Variants in CAST observed in about 807,000 individuals in gnomAD.
CAST encodes the protein MIR583 host.
A neutral mutation model predicts 119.6 loss-of-function variants in CAST; 76 were observed. The ratio of observed to expected loss-of-function variants is 0.64; its 90% CI spans 0.53 to 0.77. The LOEUF is 0.77. Ranked by LOEUF, CAST falls within the 30% of genes least tolerant of loss-of-function variation. The probability of loss-of-function intolerance (pLI) is 0.00; values close to 1 mark genes in which losing one functional copy is unlikely to be tolerated. For synonymous variants in CAST, 319 were observed against 331.6 expected, an observed-to-expected ratio of 0.96 and a Z score of 0.41; for missense variants, 953 against 946.5, an observed-to-expected ratio of 1.01 and a Z score of -0.09.
upstream of CAST, among the ~76,000 whole-genome samples, chr5:96,660,061 C>G (rs989158350): frequency 6.6e-6 from 1 of 152,170 alleles, no homozygotes; most frequent in Admixed American, 6.5e-5. Context: ...GATTTTGATA[C>G]CTAATATATC....
the CAST span, among the ~76,000 whole-genome samples, chr5:96,048,285 A>C: frequency 1.3e-5 from 2 of 152,150 alleles, no homozygotes; most frequent in Admixed American, 1.3e-4. Flanking sequence ...GGCCAGAGTA[A>C]ATTCTCTGGA....
chr5:96,539,584 T>G (rs1240552224), intron 1 of CAST, among the ~76,000 whole-genome samples: 1 of 152,192 alleles, frequency 6.6e-6, no homozygotes, highest in African/African-American at 2.4e-5. Flanking sequence ...TGTCATGTCA[T>G]GTATCCATCA....
At chr5:96,137,139 A>G in the CAST span, among the ~76,000 whole-genome samples, 1 of 152,204 alleles carries the variant, frequency 6.6e-6, no homozygotes, top group Non-Finnish European at 1.5e-5. Flanking sequence ...TCAGTAATAC[A>G]GAGGATAGTT....
chr5:96,430,373 T>C, the CAST span, among the ~76,000 whole-genome samples: 3 of 152,220 alleles, frequency 2.0e-5, no homozygotes, highest in African/African-American at 4.8e-5. Flanking sequence ...GTTCTTTAAA[T>C]TGGTGATTCT....
At chr5:96,118,574 C>T in the CAST span, among the ~76,000 whole-genome samples, 2 of 151,744 alleles carry the variant, frequency 1.3e-5, no homozygotes, top group Non-Finnish European at 2.9e-5. Context: ...TACTGACTAA[C>T]CAATTCTCTG....
intron 6 of CAST, 189 bp from the exon 7 acceptor site, chr5:96,728,964 A>G (rs1759892311): frequency 1.9e-6 from 1 of 535,876 alleles, no homozygotes; most frequent in Non-Finnish European, 3.4e-6. Context: ...GAGACTGCTG[A>G]CAGGGTTACT....
chr5:96,358,969 C>A, the CAST span, among the ~76,000 whole-genome samples: 5 of 152,096 alleles, frequency 3.3e-5, no homozygotes, highest in Non-Finnish European at 4.4e-5. Context: ...GTGTGGGAGC[C>A]TAAGTCTCTT....
the CAST span, among the ~76,000 whole-genome samples, chr5:96,470,781 A>G: frequency 6.6e-6 from 1 of 152,078 alleles, no homozygotes; most frequent in South Asian, 2.1e-4. Flanking sequence ...GTTGTGAACT[A>G]TATTAGTAGT....
chr5:96,664,628 G>A (rs991342047), intron 1 of CAST, among the ~76,000 whole-genome samples: 3 of 152,138 alleles, frequency 2.0e-5, no homozygotes, highest in African/African-American at 7.2e-5. Flanking sequence ...ATGGAAATAA[G>A]TCAACCTTTT....
chr5:96,156,555 AAAAG>A, the CAST span, among the ~76,000 whole-genome samples: 1 of 152,242 alleles, frequency 6.6e-6, no homozygotes, highest in African/African-American at 2.4e-5. Flanking sequence ...ACTTCTGAGA[AAAAG>A]AAAGTTGTAT....
the CAST span, among the ~76,000 whole-genome samples, chr5:96,447,119 T>G: frequency 6.6e-6 from 1 of 152,178 alleles, no homozygotes; most frequent in Non-Finnish European, 1.5e-5. Context: ...GTGGCAGCAC[T>G]CTTGGATAGG....
At chr5:96,115,293 C>A in the CAST span, among the ~76,000 whole-genome samples, 2 of 152,238 alleles carry the variant, frequency 1.3e-5, no homozygotes, top group African/African-American at 4.8e-5. Context: ...TTCTGCTGAA[C>A]TGTGAGCTCA....
At chr5:96,248,873 G>C in the CAST span, among the ~76,000 whole-genome samples, 1 of 152,162 alleles carries the variant, frequency 6.6e-6, no homozygotes, top group Non-Finnish European at 1.5e-5. Flanking sequence ...GATGTATTAT[G>C]AAAAATTATT....
chr5:96,567,468 G>A (rs1746487870), intron 1 of CAST, among the ~76,000 whole-genome samples: 4 of 152,104 alleles, frequency 2.6e-5, no homozygotes, highest in African/African-American at 7.2e-5. Context: ...CATTCCACCA[G>A]CAGGAATTGC....
At chr5:96,002,389 G>T in the CAST span, among the ~76,000 whole-genome samples, 2 of 152,274 alleles carry the variant, frequency 1.3e-5, no homozygotes, top group East Asian at 3.9e-4. Context: ...ATTTCTCTGG[G>T]TATTGGCATT....
At chr5:96,613,794 TA>T (rs1268067202) in intron 1 of CAST, among the ~76,000 whole-genome samples, 1 of 152,244 alleles carries the variant, frequency 6.6e-6, no homozygotes, top group African/African-American at 2.4e-5. Context: ...CTGGGACTTC[TA>T]TTACAATGTA....
chr5:96,558,976 G>A (rs866531133), intron 1 of CAST, among the ~76,000 whole-genome samples: 21 of 151,914 alleles, frequency 1.4e-4, no homozygotes, highest in Admixed American at 2.0e-4. Flanking sequence ...CTGGCAAACC[G>A]AATCCAGCAG....
At chr5:96,104,667 G>A in the CAST span, among the ~76,000 whole-genome samples, 1 of 150,962 alleles carries the variant, frequency 6.6e-6, no homozygotes, top group Non-Finnish European at 1.5e-5. Context: ...GTCAGGTAGT[G>A]TGATGCCTCC....
chr5:96,504,204 AT>A, the CAST span, among the ~76,000 whole-genome samples: 1 of 152,076 alleles, frequency 6.6e-6, no homozygotes, highest in Non-Finnish European at 1.5e-5. Flanking sequence ...GTCCTACCTT[AT>A]CACTCTCCAC....
Sources: gnomAD v4.1 joint callset for allele counts (sites outside exome capture counted in the v4.1 genomes callset) on GRCh38, gnomAD v4.1.1 for gene constraint, MANE v1.5 for transcripts, NCBI Gene and HGNC (gene_info 2026-07-23, HGNC 2026-07-21) for gene names.